Variants in TGFBR3 observed in about 807,000 individuals in gnomAD.
The protein encoded by TGFBR3 is transforming growth factor beta receptor 3.
A neutral mutation model predicts 87.9 loss-of-function variants in TGFBR3; 46 were observed. The observed-to-expected ratio is 0.52, with a 90% CI of 0.41 to 0.67. The LOEUF (loss-of-function observed/expected upper bound fraction) is 0.67, where lower values mean the gene tolerates loss of function less well. Among genes scored for constraint, TGFBR3 ranks in the 30% least tolerant of loss-of-function variants. The probability of loss-of-function intolerance (pLI) is 0.00; values close to 1 mark genes in which losing one functional copy is unlikely to be tolerated. For missense variants in TGFBR3, 866 were observed against 1,041.9 expected (o/e 0.83, Z 2.32); for synonymous variants, 381 against 391.6 (o/e 0.97, Z 0.32).
rs552862368 is a variant in TGFBR3, at chr1:91,781,058, G to A, written c.246+16229C>T. ...AGGAGGAATGCCTTGCTGCCATGCC[G>A]TAAGCTGTGGTCCTTGTCCTATACC... is the stretch of plus-strand genomic sequence containing the variant. On this transcript the variant is annotated intron_variant, in intron 3 of 16. Coordinates refer to ENST00000212355, the MANE Select transcript of TGFBR3 (RefSeq NM_003243.5). 1.2e-4 allele frequency among the ~76,000 whole-genome samples: 18 copies of A among 152,278 alleles called. No individual in the cohort carries two copies. The East Asian group carries it at 2.7e-3, about 23-fold the overall frequency.
chr1:91,855,169 C>T (rs1333919640), intron 2 of TGFBR3, among the ~76,000 whole-genome samples: 6 of 152,158 alleles, frequency 3.9e-5, no homozygotes, highest in African/African-American at 1.4e-4. Context: ...CAGGTACATC[C>T]AGTAGAGAGG....
chr1:91,861,910 C>T (rs1367662303), intron 1 of TGFBR3: 1 of 303,388 alleles, frequency 3.3e-6, no homozygotes. Context: ...AGCTGGAGCA[C>T]AGTGGCGCAG....
intron 2 of TGFBR3, among the ~76,000 whole-genome samples, chr1:91,847,934 G>A (rs1026238136): frequency 2.0e-5 from 3 of 152,128 alleles, no homozygotes; most frequent in African/African-American, 4.8e-5. Flanking sequence ...GAAATGGTGG[G>A]GGCGGGAAGA....
intron 2 of TGFBR3, among the ~76,000 whole-genome samples, chr1:91,855,608 A>C (rs1390791648): frequency 6.6e-6 from 1 of 152,338 alleles, no homozygotes; most frequent in East Asian, 1.9e-4. Flanking sequence ...TATTAAAAAG[A>C]AAAGCACAAT....
At position 91,753,390 on chromosome 1, in the gene TGFBR3, C is replaced by CAAAAAAAAAA. The variant is rs71586711; in HGVS notation, c.384+5213_384+5222dup. 2.9e-4 allele frequency among the ~76,000 whole-genome samples: 15 copies of CAAAAAAAAAA among 52,354 alleles called. 1 individual carries two copies. The highest frequency in any genetic ancestry group is 1.2e-3 in the African/African-American group (13 of 11,272). The allele number at this position is 52,354 out of a possible 152,430, so 34.3% of individuals were successfully genotyped here. ...GAGTAAGGGAGTGAGACTCTGTCCT[C>CAAAAAAAAAA]AAAAAAAAAAAAAAAAAAAAAAAAA... On this transcript the variant is annotated intron_variant, in intron 4 of 16. Coordinates refer to ENST00000212355, the MANE Select transcript of TGFBR3 (RefSeq NM_003243.5).
intron 15 of TGFBR3, 50 bp from the exon 16 acceptor site, chr1:91,695,829 A>C: frequency 1.4e-6 from 2 of 1,401,686 alleles, no homozygotes; most frequent in Non-Finnish European, 2.0e-6. Flanking sequence ...AGTCTGCATC[A>C]TGCATTGCAA....
At chr1:91,703,399 C>T (rs1041129407) in intron 14 of TGFBR3, among the ~76,000 whole-genome samples, 16 of 152,136 alleles carry the variant, frequency 1.1e-4, no homozygotes, top group African/African-American at 3.9e-4. Context: ...TACTGAGTAT[C>T]CAAGATATGC....
intron 2 of TGFBR3, among the ~76,000 whole-genome samples, chr1:91,851,804 C>T (rs1006587167): frequency 3.3e-5 from 5 of 152,166 alleles, no homozygotes; most frequent in South Asian, 2.1e-4. Context: ...ATACAGCCTA[C>T]GATAAGGATG....
intron 2 of TGFBR3, among the ~76,000 whole-genome samples, chr1:91,826,602 C>G (rs1431172637): frequency 6.6e-6 from 1 of 152,168 alleles, no homozygotes; most frequent in Non-Finnish European, 1.5e-5. Context: ...AAGGAGCAAA[C>G]CGATGGCTCC....
chr1:91,881,918 G>A (rs1040533391), intron 1 of TGFBR3, among the ~76,000 whole-genome samples: 3 of 151,722 alleles, frequency 2.0e-5, no homozygotes, highest in Non-Finnish European at 4.4e-5. Context: ...ATGCACCTGT[G>A]GTCCCCGCTA....
chr1:91,900,577 A>C (rs949022243), intron 1 of TGFBR3, among the ~76,000 whole-genome samples: 1 of 152,220 alleles, frequency 6.6e-6, no homozygotes, highest in African/African-American at 2.4e-5. Context: ...TTCTTATAAA[A>C]CAAAATAGAA....
At chr1:91,803,044 C>G (rs906288030) in intron 2 of TGFBR3, among the ~76,000 whole-genome samples, 2 of 152,198 alleles carry the variant, frequency 1.3e-5, no homozygotes, top group Non-Finnish European at 2.9e-5. Context: ...CTGAAAAACC[C>G]AAGTCTGATC....
chr1:91,709,758 A>G (rs1248106335), intron 13 of TGFBR3, among the ~76,000 whole-genome samples: 3 of 152,094 alleles, frequency 2.0e-5, no homozygotes, highest in Non-Finnish European at 2.9e-5. Flanking sequence ...ATCAATAGGT[A>G]TAGTTCTTTT....
At chr1:91,783,188 A>T (rs911201122) in intron 3 of TGFBR3, 4 of 152,186 alleles carry the variant, frequency 2.6e-5, no homozygotes, top group Non-Finnish European at 4.4e-5. Context: ...CTTATCTTCA[A>T]AAGTATCCAA....
chr1:91,893,310 G>C (rs978971903), intron 2 of TGFBR3, among the ~76,000 whole-genome samples: 1 of 151,246 alleles, frequency 6.6e-6, no homozygotes, highest in Non-Finnish European at 1.5e-5. Flanking sequence ...TTTTGAGACA[G>C]AGTTTTGCTC....
intron 2 of TGFBR3, among the ~76,000 whole-genome samples, chr1:91,894,314 T>C (rs1679509418): frequency 6.6e-6 from 1 of 152,170 alleles, no homozygotes; most frequent in Non-Finnish European, 1.5e-5. Context: ...TCAGATTTCT[T>C]TCTTTCCTGG....
intron 4 of TGFBR3, among the ~76,000 whole-genome samples, chr1:91,751,800 T>A (rs1673549701): frequency 6.6e-6 from 1 of 152,208 alleles, no homozygotes; most frequent in South Asian, 2.1e-4. Context: ...GCTAATAGCA[T>A]AGAGTTTAGT....
At chr1:91,836,829 G>A (rs1179186919) in intron 2 of TGFBR3, among the ~76,000 whole-genome samples, 2 of 152,094 alleles carry the variant, frequency 1.3e-5, no homozygotes, top group East Asian at 3.9e-4. Context: ...CATACACGCT[G>A]CATTAGATAT....
chr1:91,867,017 G>A (rs969217019), intron 1 of TGFBR3, among the ~76,000 whole-genome samples: 2 of 152,220 alleles, frequency 1.3e-5, no homozygotes, highest in African/African-American at 4.8e-5. Flanking sequence ...AAGAAAGGAT[G>A]GAGGTTTAGA....
Sources: gnomAD v4.1 joint callset for allele counts (sites outside exome capture counted in the v4.1 genomes callset) on GRCh38, gnomAD v4.1.1 for gene constraint, MANE v1.5 for transcripts, NCBI Gene and HGNC (gene_info 2026-07-23, HGNC 2026-07-21) for gene names.